DAAM2: variants seen among roughly 807,000 people sequenced by gnomAD.
DAAM2 encodes disheveled-associated activator of morphogenesis 2.
A neutral mutation model predicts 120.7 loss-of-function variants in DAAM2; 39 were observed. The observed-to-expected ratio is 0.32, with a 90% CI of 0.25 to 0.42. The LOEUF (loss-of-function observed/expected upper bound fraction) is 0.42, where lower values mean the gene tolerates loss of function less well. Ranked by LOEUF, DAAM2 falls within the 10% of genes least tolerant of loss-of-function variation. DAAM2 has a pLI of 1.00. For missense variants in DAAM2, 1,283 were observed against 1,401.7 expected, an observed-to-expected ratio of 0.92 and a Z score of 1.35; for synonymous variants, 488 against 524.9, an observed-to-expected ratio of 0.93 and a Z score of 0.96.
Position 39,882,798 on chromosome 6 carries a change from C to T in DAAM2, c.1846-1164C>T, listed in dbSNP as rs185061173. 1.1e-4 allele frequency among the ~76,000 whole-genome samples: 17 copies of T among 152,146 alleles called. No homozygotes were observed. In the East Asian group the frequency reaches 3.3e-3, roughly 29 times the overall value. On this transcript the variant is annotated intron_variant, in intron 14 of 24. Coordinates refer to ENST00000274867, the MANE Select transcript of DAAM2 (RefSeq NM_001201427.2). ...AGAATGCATCTGTGTTGGGGTTGGC[C>T]AGCTGCCTGTATCCCTTGCTGCTCC...
intron 1 of DAAM2, chr6:39,849,007 A>G (rs1319175599): frequency 1.3e-5 from 2 of 152,194 alleles, no homozygotes; most frequent in African/African-American, 4.8e-5. Flanking sequence ...AACGCTCTCA[A>G]TGGGTCAGAT....
Position 39,850,157 on chromosome 6 carries a change from T to G in DAAM2, c.-56-6090T>G, listed in dbSNP as rs140051370. ...CTTTCCATTTGCTTTGCCTGTTGAT[T>G]TAGCCACCAAAGGATGAAGCCACTG... On this transcript the variant is annotated intron_variant, in intron 1 of 24. Transcript: ENST00000274867. Among the ~76,000 whole-genome samples, 43 of 152,308 alleles carry G rather than the reference T, an allele frequency of 2.8e-4. 1 individual carries two copies. Among genetic ancestry groups the G allele is most frequent in the Admixed American group, 5.2e-4 (8 of 15,306 alleles).
chr6:39,863,471 C>G (rs540919948), intron 3 of DAAM2, among the ~76,000 whole-genome samples: 1 of 152,160 alleles, frequency 6.6e-6, no homozygotes, highest in African/African-American at 2.4e-5. Context: ...GAGCTGAGAG[C>G]TGCAGGGCCC....
chr6:39,877,999 C>G (rs1334951721), intron 11 of DAAM2, among the ~76,000 whole-genome samples: 2 of 152,186 alleles, frequency 1.3e-5, no homozygotes, highest in Admixed American at 1.3e-4. Context: ...GGTCTTTTCT[C>G]TCACGGTCTC....
In DAAM2 at chr6:39,901,668, A is replaced by T; in HGVS notation, c.2983-145A>T. Reference sequence around the variant, plus strand: ...GAGTGGTGTGAAGCTGGGGGCCTGTATGTCCTAGGCAGGAAGAAAGTGGGG... The same window carrying T: ...GAGTGGTGTGAAGCTGGGGGCCTGTTTGTCCTAGGCAGGAAGAAAGTGGGG... On this transcript the variant is annotated intron_variant, in intron 24 of 24. Transcript: ENST00000274867. The surrounding 1 kb of genome is among the most constrained non-coding windows in gnomAD (Gnocchi z 4.5). 1 of 968,064 alleles carries T rather than the reference A, an allele frequency of 1.0e-6. No individual in the cohort carries two copies. The highest frequency in any genetic ancestry group is 1.5e-6 in the Non-Finnish European group (1 of 672,762). 60.0% of individuals were successfully genotyped at this position (968,064 alleles called of 1,614,324 possible).
intron 1 of DAAM2, among the ~76,000 whole-genome samples, chr6:39,824,245 A>T (rs547244673): frequency 6.6e-6 from 1 of 152,044 alleles, no homozygotes; most frequent in African/African-American, 2.4e-5. Flanking sequence ...CTCAGGAAGT[A>T]TTGCTGGCAT....
At position 39,882,590 on chromosome 6, in the gene DAAM2, C is replaced by A. The variant is rs983096188; in HGVS notation, c.1846-1372C>A. 9.2e-5 allele frequency among the ~76,000 whole-genome samples: 14 copies of A among 152,166 alleles called. No individual in the cohort carries two copies. The East Asian group carries it at 2.7e-3, about 29-fold the overall frequency. ...TGCACACTGCTTCAGCCAGCGCCGT[C>A]CCTGCCTTCCCTGATTCCATTCCCT... On this transcript the variant is annotated intron_variant, in intron 14 of 24. Coordinates refer to ENST00000274867, the MANE Select transcript of DAAM2 (RefSeq NM_001201427.2).
At position 39,878,392 on chromosome 6, in the gene DAAM2, C is replaced by T. The variant is rs1383750662; in HGVS notation, c.1361-12C>T. The T allele has an allele frequency of 6.2e-7, 1 of 1,610,780 alleles. No homozygotes were observed. The highest frequency in any genetic ancestry group is 8.5e-7 in the Non-Finnish European group (1 of 1,178,138). The stretch of plus-strand genomic sequence containing the variant: ...TCCTTCTGTTTCCTCTCCCGTCCCA[C>T]CCCCATTCCAGAACACATGGAGCTT... On this transcript the variant is annotated splice_polypyrimidine_tract_variant and intron_variant, in intron 12 of 24. Transcript: ENST00000274867. The surrounding 1 kb of genome is among the most constrained non-coding windows in gnomAD (Gnocchi z 5.0).
chr6:39,887,260 G>T, intron 15 of DAAM2: 1 of 473,518 alleles, frequency 2.1e-6, no homozygotes, highest in Non-Finnish European at 3.8e-6. Context: ...AGGAAGGGGG[G>T]CTTCTCGGTG....
chr6:39,899,440 A>T (rs1766338361), intron 22 of DAAM2: 1 of 166,076 alleles, frequency 6.0e-6, no homozygotes, highest in Non-Finnish European at 1.3e-5. Flanking sequence ...CCAGTAGAGG[A>T]GTGGGGAAGT....
chr6:39,845,397 A>ATAC (rs1763542917), intron 1 of DAAM2, among the ~76,000 whole-genome samples: 4 of 1,962 alleles, frequency 2.0e-3, no homozygotes, highest in Non-Finnish European at 5.3e-3. Context: ...CACCACACAT[A>ATAC]CACATTCCCT....
chr6:39,830,669 G>A lies in DAAM2; in HGVS notation c.-56-25578G>A, dbSNP rs150963750. Among the ~76,000 whole-genome samples, 264 of 152,268 alleles carry A rather than the reference G, an allele frequency of 1.7e-3. 1 individual carries two copies. Among genetic ancestry groups the A allele is most frequent in the African/African-American group, 5.6e-3 (234 of 41,554 alleles). On this transcript the variant is annotated intron_variant, in intron 1 of 24. Transcript: ENST00000274867. ...GATGTGGCGTGGGACCCAGGCCTGC[G>A]GAGGTTCCCACCACTCTGCTCCTGC...
intron 19 of DAAM2, among the ~76,000 whole-genome samples, chr6:39,895,528 C>A (rs1421065902): frequency 6.6e-6 from 1 of 152,150 alleles, no homozygotes; most frequent in Non-Finnish European, 1.5e-5. Flanking sequence ...TTAACAGTTA[C>A]TTATTTCTAA....
intron 1 of DAAM2, among the ~76,000 whole-genome samples, chr6:39,855,892 T>G (rs12199623): frequency 0.076 from 11,609 of 152,220 alleles, 644 homozygotes; most frequent in East Asian, 0.19. Flanking sequence ...AGACAGGGAA[T>G]AGGAGCCCGT....
intron 1 of DAAM2, chr6:39,855,908 C>T: frequency 2.5e-6 from 1 of 394,028 alleles, no homozygotes; most frequent in Non-Finnish European, 3.5e-6. Flanking sequence ...CCCGTCCACA[C>T]ATTTATGGAA....
Position 39,878,023 on chromosome 6 carries a change from T to A in DAAM2, c.1302-180T>A, listed in dbSNP as rs150337718. Among the ~76,000 whole-genome samples the A allele has an allele frequency of 1.3e-5, 2 of 152,268 alleles. No homozygotes were observed. The highest frequency in any genetic ancestry group is 4.8e-5 in the African/African-American group (2 of 41,550). On this transcript the variant is annotated intron_variant, in intron 11 of 24. Transcript: ENST00000274867. This position sits in a 1 kb window ranked among gnomAD's most constrained non-coding sequence, Gnocchi z 5.0. ...TCTCACGGTCTCCACAGACACATAA[T>A]GTGAACGGGGCAGGGGACCTGGAGA...
chr6:39,830,274 G>A (rs1762830344), intron 1 of DAAM2, among the ~76,000 whole-genome samples: 1 of 152,170 alleles, frequency 6.6e-6, no homozygotes, highest in South Asian at 2.1e-4. Flanking sequence ...GTCCGTCATG[G>A]AGAGGCATGA....
intron 2 of DAAM2, among the ~76,000 whole-genome samples, chr6:39,860,636 AG>A (rs938857393): frequency 6.6e-6 from 1 of 152,218 alleles, no homozygotes; most frequent in Non-Finnish European, 1.5e-5. Context: ...GGCGATGGGC[AG>A]GGAACAGGGT....
chr6:39,840,829 A>G (rs531046118), intron 1 of DAAM2, among the ~76,000 whole-genome samples: 2 of 152,178 alleles, frequency 1.3e-5, no homozygotes, highest in African/African-American at 4.8e-5. Context: ...ACCCAGGGAG[A>G]GTGGCTGTAA....
Sources: allele counts gnomAD v4.1 joint callset (sites outside exome capture counted in the v4.1 genomes callset), GRCh38; gene constraint gnomAD v4.1.1; non-coding constraint Gnocchi (gnomAD v3.1); transcripts MANE v1.5; gene names NCBI Gene and HGNC (gene_info 2026-07-23, HGNC 2026-07-21).